Variants in USP1 observed in about 807,000 individuals in gnomAD.
USP1 encodes the protein ubiquitin specific peptidase 1, also known as ubiquitin carboxyl-terminal hydrolase 1.
USP1 carries 18 observed loss-of-function variants against 72.2 expected under a neutral mutation model. The observed-to-expected ratio is 0.25, with a 90% CI of 0.17 to 0.37. The LOEUF (loss-of-function observed/expected upper bound fraction) is 0.37, where lower values mean the gene tolerates loss of function less well. Ranked by LOEUF, USP1 falls within the 10% of genes least tolerant of loss-of-function variation. The probability of loss-of-function intolerance (pLI) is 1.00; values close to 1 mark genes in which losing one functional copy is unlikely to be tolerated. For synonymous variants in USP1, 354 were observed against 303.7 expected, an observed-to-expected ratio of 1.17 and a Z score of -1.72; for missense variants, 759 against 884.9, an observed-to-expected ratio of 0.86 and a Z score of 1.81.
intron 3 of USP1, among the ~76,000 whole-genome samples, chr1:62,441,972 AAAGTCTTAGCAATATC>A (rs1645137588): frequency 6.6e-6 from 1 of 152,150 alleles, no homozygotes; most frequent in African/African-American, 2.4e-5. Flanking sequence ...TTGTAACCTT[AAAGTCTTAGCAATATC>A]TGCCCAGGTG....
rs193085185 is a variant in USP1 at position 62,441,886 on chromosome 1, G to T, written c.291+278G>T. Among the ~76,000 whole-genome samples, 166 of 152,318 alleles carry T rather than the reference G, an allele frequency of 1.1e-3. No individual in the cohort carries two copies. The East Asian group carries it at 0.018, about 16-fold the overall frequency. ...TCTTTCTCTGATTCCTGGTGCTACA[G>T]TGTGATATATGTCTTATCCCTTGGA... On this transcript the variant is annotated intron_variant, in intron 3 of 8. Coordinates refer to ENST00000339950, the MANE Select transcript of USP1 (RefSeq NM_003368.5).
rs1232630359 is a variant in USP1, at chr1:62,444,892, C to T, written c.712C>T (p.His238Tyr). The T allele has an allele frequency of 3.1e-6, 5 of 1,613,430 alleles. No homozygotes were observed. The highest frequency in any genetic ancestry group is 2.2e-5 in the East Asian group (1 of 44,784). ...ELPTKVEEIP[H>Y]PKEEMNGINS... Reference sequence around the variant, plus strand: ...ACCTACTAAGGTAGAAGAAATACCTCATCCGAAAGAGGAAATGAATGGTAT... The same window carrying T: ...ACCTACTAAGGTAGAAGAAATACCTTATCCGAAAGAGGAAATGAATGGTAT... Residue 238 changes from histidine (H) to tyrosine (Y), a missense_variant, in exon 6 of 9, where the codon CAT becomes TAT. His to Tyr is a moderately conservative substitution (Grantham distance 83). Around this residue, in one of 9 missense-constraint regions of USP1, gnomAD observed 245 missense variants for 240.7 expected, o/e 1.02. Transcript: ENST00000339950.
rs991504030 is a variant in USP1, at chr1:62,450,752, A to G, written c.2129A>G (p.His710Arg). 3 of 1,613,694 alleles carry G rather than the reference A, an allele frequency of 1.9e-6. No individual in the cohort carries two copies. The African/African-American group carries it at 4.0e-5, about 22-fold the overall frequency. The change falls in exon 9 of 9, where the codon CAT becomes CGT. Residue 710 changes from histidine (H) to arginine (R), a missense_variant. Physicochemically the swap from His to Arg is conservative, Grantham distance 29. This residue lies in a region of USP1 where 159 missense variants were observed against 140.9 expected (regional missense o/e 1.13). Coordinates refer to ENST00000339950, the MANE Select transcript of USP1 (RefSeq NM_003368.5). ...NSETSDTTGTHESDRNKESSD... is the reference protein window; with the variant it reads ...NSETSDTTGTRESDRNKESSD... ...GAGACTAGTGATACTACTGGGACCC[A>G]TGAATCTGATAGAAACAAGGAATCC...
chr1:62,446,665 T>C (rs1043210709), intron 6 of USP1, among the ~76,000 whole-genome samples: 1 of 152,166 alleles, frequency 6.6e-6, no homozygotes, highest in Non-Finnish European at 1.5e-5. Context: ...TTACCTAGTT[T>C]TGTCCAGATC....
At chr1:62,438,653 C>T (rs930917117) in intron 1 of USP1, among the ~76,000 whole-genome samples, 3 of 152,124 alleles carry the variant, frequency 2.0e-5, no homozygotes, top group Non-Finnish European at 4.4e-5. Context: ...CCTCCCATGT[C>T]CTGAAAAATA....
chr1:62,446,961 T>C (rs1196138157), intron 6 of USP1, among the ~76,000 whole-genome samples: 1 of 152,090 alleles, frequency 6.6e-6, no homozygotes, highest in African/African-American at 2.4e-5. Context: ...ATTACAGGCA[T>C]GCACCACCAC....
chr1:62,441,228 T>C (rs1383177037), intron 2 of USP1, among the ~76,000 whole-genome samples: 1 of 152,072 alleles, frequency 6.6e-6, no homozygotes, highest in Non-Finnish European at 1.5e-5. Flanking sequence ...TTTTCTACTC[T>C]GTAAAATAGG....
At chr1:62,443,039 TA>T in intron 4 of USP1, 119 bp from the exon 5 acceptor site, 1 of 1,077,884 alleles carries the variant, frequency 9.3e-7, no homozygotes, top group Non-Finnish European at 1.3e-6. Flanking sequence ...GTACATCCCT[TA>T]AAATTAGTGC....
At chr1:62,446,675 C>A (rs1445159418) in intron 6 of USP1, among the ~76,000 whole-genome samples, 3 of 152,176 alleles carry the variant, frequency 2.0e-5, no homozygotes, top group Non-Finnish European at 4.4e-5. Context: ...TTGTCCAGAT[C>A]TACAGATATC....
At chr1:62,438,108 A>AT (rs1159286283) in intron 1 of USP1, among the ~76,000 whole-genome samples, 2 of 151,516 alleles carry the variant, frequency 1.3e-5, no homozygotes, top group Admixed American at 6.6e-5. Flanking sequence ...AAAATGTTAC[A>AT]TTCTCGGTGT....
intron 3 of USP1, among the ~76,000 whole-genome samples, chr1:62,441,857 A>C (rs1056915223): frequency 6.6e-6 from 1 of 152,198 alleles, no homozygotes; most frequent in African/African-American, 2.4e-5. Flanking sequence ...TCAAACCTTT[A>C]ATTTCTTTCT....
Position 62,450,624 on chromosome 1 carries a change from A to G in USP1, c.2001A>G (p.Gly667=), listed in dbSNP as rs1007646496. The G allele has an allele frequency of 1.2e-6, 2 of 1,614,136 alleles. No homozygotes were observed. The highest frequency in any genetic ancestry group is 1.7e-6 in the Non-Finnish European group (2 of 1,180,004). The change falls in exon 9 of 9, where the codon GGA becomes GGG. Residue 667 remains glycine (G), a synonymous_variant. Coordinates refer to ENST00000339950, the MANE Select transcript of USP1 (RefSeq NM_003368.5). ...ACAAAAAAAATGTAGAAGCTATTGG[A>G]CTTCTTGGAGGACAAAAGAGCAAAG... ...VLNKKNVEAI[G]LLGGQKSKAD...
intron 8 of USP1, among the ~76,000 whole-genome samples, chr1:62,449,637 G>T (rs1244041158): frequency 1.3e-5 from 2 of 152,130 alleles, no homozygotes; most frequent in Non-Finnish European, 2.9e-5. Flanking sequence ...AAAATGGGCT[G>T]GGCGTGGGTG....
In USP1 at chr1:62,447,988, A is replaced by T. The variant is rs370616718; in HGVS notation, c.1420+477A>T. On this transcript the variant is annotated intron_variant, in intron 7 of 8. Transcript: ENST00000339950. Reference sequence around the variant, plus strand: ...TTTTTAGTAGAGACGGGGTTTCACCATGTTAGCCAGGATGGTCTCAATCTC... The same window carrying T: ...TTTTTAGTAGAGACGGGGTTTCACCTTGTTAGCCAGGATGGTCTCAATCTC... Among the ~76,000 whole-genome samples, 30 of 152,160 alleles carry T rather than the reference A, an allele frequency of 2.0e-4. No homozygotes were observed. In the South Asian group the frequency reaches 4.8e-3, roughly 24 times the overall value.
At chr1:62,448,729 C>G (rs2149207772) in intron 8 of USP1, 63 bp downstream of exon 8, 1 of 1,495,542 alleles carries the variant, frequency 6.7e-7, no homozygotes, top group Non-Finnish European at 9.2e-7. Flanking sequence ...AAGTCTTGTT[C>G]AAAATGCTGT....
rs192273686 is a variant in USP1 at position 62,440,442 on chromosome 1, T to C, written c.170+405T>C. Among the ~76,000 whole-genome samples the C allele has an allele frequency of 1.5e-3, 233 of 152,268 alleles. 2 individuals carry two copies. Among genetic ancestry groups the C allele is most frequent in the African/African-American group, 4.9e-3 (202 of 41,546 alleles). On this transcript the variant is annotated intron_variant, in intron 2 of 8. Coordinates refer to ENST00000339950, the MANE Select transcript of USP1 (RefSeq NM_003368.5). The stretch of plus-strand genomic sequence containing the variant: ...ACATTTTAAACTCTAGTCATGTAAC[T>C]AGTCATACCTGTTGGAGGCATATGA...
chr1:62,442,364 C>A, intron 4 of USP1, 65 bp downstream of exon 4: 2 of 1,220,148 alleles, frequency 1.6e-6, no homozygotes, highest in Non-Finnish European at 2.3e-6. Flanking sequence ...AATTTACTTG[C>A]CTGGAAATGA....
intron 4 of USP1, among the ~76,000 whole-genome samples, chr1:62,442,882 A>G (rs1001281953): frequency 6.6e-6 from 1 of 152,148 alleles, no homozygotes; most frequent in African/African-American, 2.4e-5. Context: ...GTGAGCCTGT[A>G]GTTCCAGCTA....
intron 5 of USP1, 26 bp downstream of exon 5, chr1:62,443,345 G>T (rs778631907): frequency 1.3e-6 from 2 of 1,558,610 alleles, no homozygotes; most frequent in Admixed American, 4.2e-5. Flanking sequence ...TAATTTTAGG[G>T]TTTCAATTTA....
Sources: allele counts gnomAD v4.1 joint callset (sites outside exome capture counted in the v4.1 genomes callset), GRCh38; gene constraint gnomAD v4.1.1; regional missense constraint gnomAD v4.1.1; transcripts MANE v1.5; gene names NCBI Gene and HGNC (gene_info 2026-07-23, HGNC 2026-07-21).